XKR4: variants seen among roughly 807,000 people sequenced by gnomAD.
The protein encoded by XKR4 is XK related 4, also known as XK-related protein 4.
In XKR4, 12 loss-of-function variants were observed where a neutral mutation model predicts 53.9. That is an observed-to-expected ratio of 0.22 (90% CI 0.14 to 0.36). XKR4 has a LOEUF of 0.36. Ranked by LOEUF, XKR4 falls within the 10% of genes least tolerant of loss-of-function variation. The pLI, the probability that XKR4 is intolerant of heterozygous loss-of-function variation, is 1.00. For synonymous variants in XKR4, 354 were observed against 362.4 expected (o/e 0.98, Z 0.26); for missense variants, 799 against 859.5 (o/e 0.93, Z 0.88).
At chr8:55,270,615 G>T (rs1179272228) in intron 1 of XKR4, among the ~76,000 whole-genome samples, 1 of 152,140 alleles carries the variant, frequency 6.6e-6, no homozygotes, top group Admixed American at 6.5e-5. Context: ...CAATACTGTT[G>T]GAGTTTGATT....
At position 55,438,450 on chromosome 8, in the gene XKR4, C is replaced by T. The variant is rs552715187; in HGVS notation, c.1006+80573C>T. On this transcript the variant is annotated intron_variant, in intron 2 of 2. Transcript: ENST00000327381. ...AAAAAAAATACAAAAATGAGCCGGG[C>T]GTGGTGGTGAGCACCTGTAATCCCA... Among the ~76,000 whole-genome samples, 14 of 151,642 alleles carry T rather than the reference C, an allele frequency of 9.2e-5. No individual in the cohort carries two copies. The East Asian group carries it at 1.8e-3, about 19-fold the overall frequency.
At chr8:55,324,353 C>T (rs528298820) in intron 1 of XKR4, among the ~76,000 whole-genome samples, 8 of 152,316 alleles carry the variant, frequency 5.3e-5, no homozygotes, top group Admixed American at 1.3e-4. Flanking sequence ...ACCTTGGCCT[C>T]CCAAAGTGCT....
intron 2 of XKR4, among the ~76,000 whole-genome samples, chr8:55,440,421 A>T (rs1254944528): frequency 6.6e-6 from 1 of 152,228 alleles, no homozygotes; most frequent in Non-Finnish European, 1.5e-5. Context: ...AATTCCTCCA[A>T]AAATAATAGC....
chr8:55,410,636 C>T (rs73591629), intron 2 of XKR4, among the ~76,000 whole-genome samples: 15,006 of 152,046 alleles, frequency 0.099, 2,043 homozygotes, highest in African/African-American at 0.3. Context: ...GCTCCCCATC[C>T]GTCCCCATTT....
At chr8:55,118,882 A>T (rs1293283684) in intron 1 of XKR4, among the ~76,000 whole-genome samples, 1 of 152,126 alleles carries the variant, frequency 6.6e-6, no homozygotes, top group Non-Finnish European at 1.5e-5. Context: ...ATGGCACAAA[A>T]ATTTGTTCTA....
intron 2 of XKR4, among the ~76,000 whole-genome samples, chr8:55,364,638 T>G (rs1453718897): frequency 6.6e-6 from 1 of 152,106 alleles, no homozygotes; most frequent in Non-Finnish European, 1.5e-5. Context: ...TGTTGGGGTT[T>G]TTTTTGTTTT....
Position 55,524,564 on chromosome 8 carries a change from G to A in XKR4, c.*337G>A, listed in dbSNP as rs892227517. On this transcript the variant is annotated 3_prime_UTR_variant, in exon 3 of 3. Transcript: ENST00000327381. ...CTCCAATCATTAGGGTGTCTTGATGGCGTTAACTGATCTTTCCATAAAAAT... is the reference window on the plus strand; with the variant it reads ...CTCCAATCATTAGGGTGTCTTGATGACGTTAACTGATCTTTCCATAAAAAT... 4 of 281,634 alleles carry A rather than the reference G, an allele frequency of 1.4e-5. No individual in the cohort carries two copies. The highest frequency in any genetic ancestry group is 2.0e-5 in the Non-Finnish European group (3 of 149,938). 17.4% of individuals were successfully genotyped at this position (281,634 alleles called of 1,614,324 possible).
intron 2 of XKR4, chr8:55,454,874 GC>G: frequency 1.3e-6 from 1 of 763,330 alleles, no homozygotes; most frequent in South Asian, 1.4e-5. Flanking sequence ...CATCCTTAGC[GC>G]GTGTCGTTTC....
intron 2 of XKR4, among the ~76,000 whole-genome samples, chr8:55,499,467 T>A (rs956723313): frequency 1.3e-5 from 2 of 152,174 alleles, no homozygotes; most frequent in Admixed American, 1.3e-4. Flanking sequence ...GCTTCATTTT[T>A]GCAAAAATAA....
intron 1 of XKR4, chr8:55,140,326 T>A (rs1816685714): frequency 9.1e-6 from 2 of 219,736 alleles, no homozygotes; most frequent in East Asian, 1.4e-4. Flanking sequence ...AAACTTTGTG[T>A]TTGGGTCCAT....
intron 1 of XKR4, among the ~76,000 whole-genome samples, chr8:55,299,160 G>A (rs946920952): frequency 6.6e-6 from 1 of 152,110 alleles, no homozygotes; most frequent in Non-Finnish European, 1.5e-5. Context: ...ACATTTTGGA[G>A]AACACCAGCC....
intron 1 of XKR4, among the ~76,000 whole-genome samples, chr8:55,302,168 T>G (rs1280262432): frequency 6.6e-6 from 1 of 152,220 alleles, no homozygotes; most frequent in Non-Finnish European, 1.5e-5. Context: ...GAATTAATTT[T>G]TGTATAAGGT....
At chr8:55,266,030 G>A (rs1818596408) in intron 1 of XKR4, among the ~76,000 whole-genome samples, 1 of 150,788 alleles carries the variant, frequency 6.6e-6, no homozygotes. Flanking sequence ...CTTAAATATA[G>A]GCATGTAGTC....
chr8:55,509,290 T>A (rs1725017572), intron 2 of XKR4, among the ~76,000 whole-genome samples: 1 of 152,244 alleles, frequency 6.6e-6, no homozygotes, highest in Non-Finnish European at 1.5e-5. Context: ...AGAGGTTGAT[T>A]TGTAAGATCC....
intron 1 of XKR4, among the ~76,000 whole-genome samples, chr8:55,338,462 G>C (rs1294423479): frequency 6.6e-6 from 1 of 152,218 alleles, no homozygotes; most frequent in Admixed American, 6.5e-5. Flanking sequence ...TGGGGCATGG[G>C]AGCTGGACAC....
At chr8:55,161,215 C>T (rs1816979647) in intron 1 of XKR4, among the ~76,000 whole-genome samples, 1 of 152,212 alleles carries the variant, frequency 6.6e-6, no homozygotes, top group African/African-American at 2.4e-5. Context: ...TCTTTCTACA[C>T]AGTCATAGAT....
intron 2 of XKR4, among the ~76,000 whole-genome samples, chr8:55,403,247 C>A (rs1049800507): frequency 6.6e-6 from 1 of 152,122 alleles, no homozygotes; most frequent in Non-Finnish European, 1.5e-5. Context: ...TTTTTTAAAT[C>A]ACAGTTTTCA....
intron 1 of XKR4, among the ~76,000 whole-genome samples, chr8:55,284,505 C>A (rs1270752555): frequency 6.6e-6 from 1 of 152,118 alleles, no homozygotes; most frequent in East Asian, 1.9e-4. Flanking sequence ...AGCCTGGGTT[C>A]CATGCTGGCT....
At chr8:55,297,245 G>A (rs1819115514) in intron 1 of XKR4, among the ~76,000 whole-genome samples, 1 of 152,142 alleles carries the variant, frequency 6.6e-6, no homozygotes, top group South Asian at 2.1e-4. Flanking sequence ...CTTCAGACTA[G>A]AAACGTGAGA....
Sources: gnomAD v4.1 joint callset for allele counts (sites outside exome capture counted in the v4.1 genomes callset) on GRCh38, gnomAD v4.1.1 for gene constraint, MANE v1.5 for transcripts, NCBI Gene and HGNC (gene_info 2026-07-23, HGNC 2026-07-21) for gene names.